Variants in LDB3 observed in about 807,000 individuals in gnomAD.
LDB3 encodes LIM domain binding 3.
LDB3 carries 49 observed loss-of-function variants against 69.0 expected under a neutral mutation model. That is an observed-to-expected ratio of 0.71 (90% CI 0.56 to 0.90). The LOEUF is 0.90. Ranked by LOEUF, LDB3 falls within the 40% of genes least tolerant of loss-of-function variation. The probability of loss-of-function intolerance (pLI) is 0.00; values close to 1 mark genes in which losing one functional copy is unlikely to be tolerated. For synonymous variants in LDB3, 387 were observed against 396.2 expected, an observed-to-expected ratio of 0.98 and a Z score of 0.28; for missense variants, 928 against 974.1, an observed-to-expected ratio of 0.95 and a Z score of 0.63.
chr10:86,669,715 A>G (rs890611520), intron 2 of LDB3, among the ~76,000 whole-genome samples: 2 of 152,258 alleles, frequency 1.3e-5, no homozygotes, highest in Non-Finnish European at 2.9e-5. Context: ...ACTGTGAGGC[A>G]TACAGGGCAA....
chr10:86,711,236 GC>G (rs896709498), intron 9 of LDB3, among the ~76,000 whole-genome samples: 3 of 152,114 alleles, frequency 2.0e-5, no homozygotes, highest in Admixed American at 6.5e-5. Flanking sequence ...TTCCGGGGCG[GC>G]CTCCGGCTGT....
chr10:86,686,875 G>T (rs2132395794), intron 5 of LDB3, among the ~76,000 whole-genome samples: 1 of 152,048 alleles, frequency 6.6e-6, no homozygotes, highest in South Asian at 2.1e-4. Context: ...GGGTGCCAAG[G>T]ATTTTCTTGA....
chr10:86,726,464 A>G, intron 13 of LDB3: 1 of 599,420 alleles, frequency 1.7e-6, no homozygotes. Flanking sequence ...TGGCTTTGTT[A>G]CTTTCCATTT....
chr10:86,710,055 G>C lies in LDB3; in HGVS notation c.1231+5G>C. 1 of 1,612,438 alleles carries C rather than the reference G, an allele frequency of 6.2e-7. No homozygotes were observed. The highest frequency in any genetic ancestry group is 8.5e-7 in the Non-Finnish European group (1 of 1,179,986). ...GGCCTTCTGTCTACCAGCCAGGTAAGAGGCAGAGCAGGAGGGGAGGCTGTC... is the reference window on the plus strand; with the variant it reads ...GGCCTTCTGTCTACCAGCCAGGTAACAGGCAGAGCAGGAGGGGAGGCTGTC... On this transcript the variant is annotated splice_donor_5th_base_variant and intron_variant, in intron 9 of 13. Transcript: ENST00000361373.
At chr10:86,684,375 G>C (rs1845340149) in intron 5 of LDB3, among the ~76,000 whole-genome samples, 1 of 152,260 alleles carries the variant, frequency 6.6e-6, no homozygotes, top group South Asian at 2.1e-4. Context: ...AGAAGGAGCA[G>C]GCTGCCAAGG....
intron 9 of LDB3, among the ~76,000 whole-genome samples, chr10:86,711,046 T>C (rs1054315347): frequency 1.3e-5 from 2 of 152,222 alleles, no homozygotes; most frequent in South Asian, 4.2e-4. Context: ...CGAGGTGGCA[T>C]TTTGCAGTAG....
Position 86,716,501 on chromosome 10 carries a change from A to C in LDB3, c.1406A>C (p.Tyr469Ser). The change falls in exon 10 of 14, where the codon TAT (tyrosine) becomes TCT (serine). Residue 469 changes from tyrosine (Y) to serine (S), a missense_variant. By Grantham distance (144) the Tyr-to-Ser change is moderately radical. Coordinates refer to ENST00000361373, the MANE Select transcript of LDB3 (RefSeq NM_007078.3). Reference protein sequence around the residue: ...PAYTPSPAPNYNPAPSVAYSG... With the variant: ...PAYTPSPAPNSNPAPSVAYSG... ...TATACCCCCTCACCTGCCCCCAACT[A>C]TAACCCTGCACCCTCGGTGGCCTAC... 3 of 1,606,930 alleles carry C rather than the reference A, an allele frequency of 1.9e-6. No individual in the cohort carries two copies. The highest frequency in any genetic ancestry group is 2.5e-6 in the Non-Finnish European group (3 of 1,177,436).
Position 86,716,691 on chromosome 10 carries a change from CA to C in LDB3, c.1597del (p.Arg533GlyfsTer32). The C allele has an allele frequency of 6.2e-7, 1 of 1,613,866 alleles. No individual in the cohort carries two copies. Among genetic ancestry groups the C allele is most frequent in the Non-Finnish European group, 8.5e-7 (1 of 1,179,982 alleles). On this transcript the variant is annotated frameshift_variant, in exon 10 of 14. Transcript: ENST00000361373. LOFTEE classifies it high-confidence loss of function. ...PAGPQVPPLARGTVQRAERFP... is the reference protein window; with the variant it reads ...PAGPQVPPLAXGTVQRAERFP... ...CGGGTCCTCAGGTGCCACCACTTGC[CA>C]GGGGGACCGTCCAGAGGGCTGAGCG...
Position 86,706,576 on chromosome 10 carries a change from C to A in LDB3, c.942C>A (p.Thr314=). The A allele has an allele frequency of 6.2e-7, 1 of 1,613,120 alleles. No individual in the cohort carries two copies. The highest frequency in any genetic ancestry group is 8.5e-7 in the Non-Finnish European group (1 of 1,179,962). The change falls in exon 8 of 14, where the codon ACC becomes ACA. Residue 314 remains threonine (T), a synonymous_variant. Transcript: ENST00000361373. The part of the protein sequence containing the change: ...HAPVCTSQAT[T]PLLPASAQPP... ...CGGTGTGCACCAGCCAGGCCACCAC[C>A]CCGCTGCTGCCCGCTTCTGCCCAGC...
intron 2 of LDB3, among the ~76,000 whole-genome samples, chr10:86,671,303 G>A (rs1041741274): frequency 6.6e-6 from 1 of 152,196 alleles, no homozygotes; most frequent in African/African-American, 2.4e-5. Context: ...GCACTGGGGA[G>A]GGTCTGTCCC....
Position 86,699,367 on chromosome 10 carries a change from A to G in LDB3, c.896+6796A>G. 1 of 1,613,724 alleles carries G rather than the reference A, an allele frequency of 6.2e-7. No homozygotes were observed. The highest frequency in any genetic ancestry group is 1.1e-5 in the South Asian group (1 of 91,074). On this transcript the variant is annotated intron_variant, in intron 7 of 13. Transcript: ENST00000361373. The surrounding 1 kb of genome is among the most constrained non-coding windows in gnomAD (Gnocchi z 4.9). Reference sequence around the variant, plus strand: ...CTTTCAGCCCAAATCCTTAATGTTAAAAGCTAAAAGGCTGCCTGGAATCCC... The same window carrying G: ...CTTTCAGCCCAAATCCTTAATGTTAGAAGCTAAAAGGCTGCCTGGAATCCC...
intron 4 of LDB3, among the ~76,000 whole-genome samples, chr10:86,680,833 A>G (rs2248538): frequency 0.22 from 33,259 of 152,222 alleles, 3,773 homozygotes; most frequent in Admixed American, 0.3. Flanking sequence ...CACCTGTCCA[A>G]TGGGGCAGAT....
rs1205987308 is a variant in LDB3, at chr10:86,692,007, C to G, written c.801C>G (p.Ser267=). ...EDEADEWARR[S]SNLQSRSFRI... ...AGGCTGACGAGTGGGCACGCCGTTC[C>G]TCCAACCTGCAGTCTCGCTCCTTCC... The change falls in exon 6 of 14, where the codon TCC becomes TCG. Residue 267 remains serine, a synonymous_variant. Coordinates refer to ENST00000361373, the MANE Select transcript of LDB3 (RefSeq NM_007078.3). 6.2e-7 allele frequency: 1 copy of G among 1,614,086 alleles called. No individual in the cohort carries two copies. Among genetic ancestry groups the G allele is most frequent in the African/African-American group, 1.3e-5 (1 of 74,940 alleles).
Position 86,716,512 on chromosome 10 carries a change from C to A in LDB3, c.1417C>A (p.Pro473Thr). 1 of 1,613,112 alleles carries A rather than the reference C, an allele frequency of 6.2e-7. No homozygotes were observed. Among genetic ancestry groups the A allele is most frequent in the Non-Finnish European group, 8.5e-7 (1 of 1,179,786 alleles). The change falls in exon 10 of 14, where the codon CCC (proline) becomes ACC (threonine). Residue 473 changes from proline (P) to threonine (T), a missense_variant. Physicochemically the swap from Pro to Thr is conservative, Grantham distance 38. Transcript: ENST00000361373. ...PSPAPNYNPA[P>T]SVAYSGGPAE... is the part of the protein sequence containing the mutation. Reference sequence around the variant, plus strand: ...ACCTGCCCCCAACTATAACCCTGCACCCTCGGTGGCCTACAGCGGGGGCCC... The same window carrying A: ...ACCTGCCCCCAACTATAACCCTGCAACCTCGGTGGCCTACAGCGGGGGCCC...
At chr10:86,698,986 C>G (rs527941315) in intron 7 of LDB3, among the ~76,000 whole-genome samples, 3 of 152,124 alleles carry the variant, frequency 2.0e-5, no homozygotes, top group Non-Finnish European at 4.4e-5. Context: ...TAGCCAGGTC[C>G]CTTCTCCACA....
chr10:86,734,797 A>T lies in LDB3; in HGVS notation c.*1821A>T, dbSNP rs780882661. Reference sequence around the variant, plus strand: ...TGGATCTGTGAGAAGGTGAATACAAAGCAGCAGGCAGAGTAAAATCTGCTG... The same window carrying T: ...TGGATCTGTGAGAAGGTGAATACAATGCAGCAGGCAGAGTAAAATCTGCTG... On this transcript the variant is annotated 3_prime_UTR_variant, in exon 14 of 14. Coordinates refer to ENST00000361373, the MANE Select transcript of LDB3 (RefSeq NM_007078.3). 1 of 152,218 alleles carries T rather than the reference A, an allele frequency of 6.6e-6. No homozygotes were observed. Among genetic ancestry groups the T allele is most frequent in the African/African-American group, 2.4e-5 (1 of 41,448 alleles). 9.4% of individuals were successfully genotyped at this position (152,218 alleles called of 1,614,324 possible).
chr10:86,721,031 A>G (rs1335095696), intron 12 of LDB3, among the ~76,000 whole-genome samples: 1 of 152,122 alleles, frequency 6.6e-6, no homozygotes, highest in Non-Finnish European at 1.5e-5. Context: ...GCTGGTCTTG[A>G]AATCCAGGGC....
At chr10:86,668,620 G>A in intron 1 of LDB3, 49 bp from the exon 2 acceptor site, 1 of 1,179,056 alleles carries the variant, frequency 8.5e-7, no homozygotes, top group Non-Finnish European at 1.3e-6. Context: ...CGGGCAGGCG[G>A]AGTGCCTGAG....
intron 2 of LDB3, 43 bp from the exon 3 acceptor site, chr10:86,679,324 C>A (rs1464701565): frequency 1.9e-6 from 3 of 1,613,260 alleles, no homozygotes; most frequent in Non-Finnish European, 2.5e-6. Context: ...TTCCTCAGGA[C>A]CACCTTCCTT....
Sources: allele counts gnomAD v4.1 joint callset (sites outside exome capture counted in the v4.1 genomes callset), GRCh38; gene constraint gnomAD v4.1.1; non-coding constraint Gnocchi (gnomAD v3.1); transcripts MANE v1.5; gene names NCBI Gene and HGNC (gene_info 2026-07-23, HGNC 2026-07-21).